ANOS1: variants seen among roughly 807,000 people sequenced by gnomAD.
ANOS1 encodes the protein anosmin-1.
In ANOS1, 6 loss-of-function variants were observed where a neutral mutation model predicts 59.0. That is an observed-to-expected ratio of 0.10 (90% CI 0.06 to 0.20). The LOEUF (loss-of-function observed/expected upper bound fraction) is 0.20. Ranked by LOEUF, ANOS1 falls within the 10% of genes least tolerant of loss-of-function variation. ANOS1 has a pLI of 1.00. For missense variants in ANOS1, 433 were observed against 542.3 expected, an observed-to-expected ratio of 0.80 and a Z score of 2.00; for synonymous variants, 217 against 223.4, an observed-to-expected ratio of 0.97 and a Z score of 0.25.
intron 9 of ANOS1, among the ~76,000 whole-genome samples, chrX:8,552,544 T>A (rs1929873173): frequency 8.9e-6 from 1 of 112,313 alleles, no homozygotes; most frequent in African/African-American, 3.2e-5. Flanking sequence ...AAAATGCTCA[T>A]GGCAAGAAGC....
intron 4 of ANOS1, among the ~76,000 whole-genome samples, chrX:8,593,047 C>T (rs1018190338): frequency 1.4e-4 from 16 of 111,124 alleles, no homozygotes; most frequent in African/African-American, 5.2e-4. Flanking sequence ...ACACAGCAGA[C>T]CAAACAGAAA....
At chrX:8,664,386 G>A (rs1932096707) in intron 2 of ANOS1, among the ~76,000 whole-genome samples, 1 of 110,264 alleles carries the variant, frequency 9.1e-6, no homozygotes, top group Non-Finnish European at 1.9e-5. Context: ...GTAGAGACGG[G>A]GTTTCACCAT....
chrX:8,729,048 G>A (rs965102983), intron 1 of ANOS1, among the ~76,000 whole-genome samples: 1 of 112,313 alleles, frequency 8.9e-6, no homozygotes, highest in Admixed American at 9.4e-5. Flanking sequence ...TCTGCAGGCC[G>A]ACGACAGCAG....
intron 3 of ANOS1, among the ~76,000 whole-genome samples, chrX:8,612,824 T>C (rs1257835436): frequency 1.8e-5 from 2 of 111,062 alleles, no homozygotes; most frequent in Non-Finnish European, 3.8e-5. Context: ...ATAGACAACG[T>C]GAATAGTCTT....
intron 9 of ANOS1, among the ~76,000 whole-genome samples, chrX:8,542,268 G>A (rs1431720454): frequency 9.0e-6 from 1 of 111,670 alleles, no homozygotes; most frequent in Non-Finnish European, 1.9e-5. Context: ...ACTCAACTTT[G>A]CTGTAGCTAC....
At chrX:8,680,162 C>CA (rs754341783) in intron 2 of ANOS1, among the ~76,000 whole-genome samples, 4,965 of 27,156 alleles carry the variant, frequency 0.18, 516 homozygotes, top group African/African-American at 0.36. Context: ...GAGACTCCAT[C>CA]AAAAAAAAAA....
chrX:8,618,176 T>C (rs747074621), intron 3 of ANOS1, among the ~76,000 whole-genome samples: 1 of 112,305 alleles, frequency 8.9e-6, no homozygotes, highest in South Asian at 3.7e-4. Flanking sequence ...ATCAAATCTA[T>C]AAGCCTGAAA....
At chrX:8,650,721 C>A (rs1931837678) in intron 2 of ANOS1, among the ~76,000 whole-genome samples, 1 of 111,214 alleles carries the variant, frequency 9.0e-6, no homozygotes, top group Non-Finnish European at 1.9e-5. Flanking sequence ...GACTCCATTT[C>A]AAAAAAAGAT....
chrX:8,657,618 G>A (rs1391750090), intron 2 of ANOS1, among the ~76,000 whole-genome samples: 1 of 109,764 alleles, frequency 9.1e-6, no homozygotes, highest in Non-Finnish European at 1.9e-5. Context: ...ACAGGCACGT[G>A]CCACCACGCC....
At chrX:8,598,637 G>C (rs960683616) in intron 3 of ANOS1, among the ~76,000 whole-genome samples, 14 of 111,692 alleles carry the variant, frequency 1.3e-4, no homozygotes, top group Non-Finnish European at 3.8e-5. Context: ...TGGCTGAAAA[G>C]ATGATCACCA....
chrX:8,692,005 G>T (rs973518871), intron 2 of ANOS1, among the ~76,000 whole-genome samples: 2 of 111,301 alleles, frequency 1.8e-5, no homozygotes, highest in Non-Finnish European at 3.8e-5. Flanking sequence ...ATATGTCTTT[G>T]TATTGTCAGA....
At position 8,664,497 on chromosome X, in the gene ANOS1, A is replaced by AT. The variant is rs1162522111; in HGVS notation, c.255+35200dup. 8.0e-3 allele frequency among the ~76,000 whole-genome samples: 839 copies of AT among 104,828 alleles called. 9 individuals carry two copies. Among genetic ancestry groups the AT allele is most frequent in the East Asian group, 0.032 (107 of 3,365 alleles). 91.0% of individuals were successfully genotyped at this position (104,828 alleles called of 115,157 possible). A position where few individuals can be genotyped will look rare whatever the true frequency, so the allele number is the denominator to read the frequency against. ...TGTGAGCCACCGCCCCCGGCCAGGGATTTTTTTTTTTAATATGGTACTTTG... is the reference window on the plus strand; with the variant it reads ...TGTGAGCCACCGCCCCCGGCCAGGGATTTTTTTTTTTTAATATGGTACTTTG... On this transcript the variant is annotated intron_variant, in intron 2 of 13. Transcript: ENST00000262648.
At chrX:8,672,467 A>G (rs760264318) in intron 2 of ANOS1, among the ~76,000 whole-genome samples, 12 of 112,518 alleles carry the variant, frequency 1.1e-4, no homozygotes, top group Non-Finnish European at 1.9e-4. Flanking sequence ...CGAACCACAC[A>G]AGAGAGTTTC....
intron 2 of ANOS1, among the ~76,000 whole-genome samples, chrX:8,694,154 C>A (rs909299824): frequency 8.9e-6 from 1 of 111,774 alleles, no homozygotes; most frequent in Non-Finnish European, 1.9e-5. Flanking sequence ...GGGCCTAGGG[C>A]ATAGTAGATG....
chrX:8,592,927 T>G (rs1260045544), intron 4 of ANOS1, among the ~76,000 whole-genome samples: 1 of 111,604 alleles, frequency 9.0e-6, no homozygotes, highest in African/African-American at 3.3e-5. Flanking sequence ...TCTTACAGCA[T>G]AGCCCAAAAT....
At position 8,635,020 on chromosome X, in the gene ANOS1, A is replaced by C. The variant is rs1167025838; in HGVS notation, c.256-11350T>G. 2.7e-5 allele frequency among the ~76,000 whole-genome samples: 3 copies of C among 111,540 alleles called. No homozygotes were observed. In the East Asian group the frequency reaches 8.5e-4, roughly 32 times the overall value. On this transcript the variant is annotated intron_variant, in intron 2 of 13. Coordinates refer to ENST00000262648, the MANE Select transcript of ANOS1 (RefSeq NM_000216.4). ...CTGGTGGTTTAACCACAGCCTCAGAAACCCTAAAGTAGAGGACCCAGCATA... is the reference window on the plus strand; with the variant it reads ...CTGGTGGTTTAACCACAGCCTCAGACACCCTAAAGTAGAGGACCCAGCATA...
intron 2 of ANOS1, among the ~76,000 whole-genome samples, chrX:8,693,583 G>A (rs1234884819): frequency 1.8e-5 from 2 of 110,851 alleles, no homozygotes; most frequent in Admixed American, 1.9e-4. Flanking sequence ...CAGAATGATG[G>A]AAAAGAGTTA....
At position 8,593,363 on chromosome X, in the gene ANOS1, C is replaced by T. The variant is rs182728639; in HGVS notation, c.541+3671G>A. 2.7e-5 allele frequency among the ~76,000 whole-genome samples: 3 copies of T among 111,661 alleles called. No homozygotes were observed. In the East Asian group the frequency reaches 8.5e-4, roughly 32 times the overall value. The stretch of plus-strand genomic sequence containing the variant: ...CTTCTCCATCCAAGTGACAGCAGCC[C>T]CTTGTAAAGGTAAACCGGGGAAATG... On this transcript the variant is annotated intron_variant, in intron 4 of 13. Transcript: ENST00000262648.
At chrX:8,584,161 T>C (rs1930470240) in intron 6 of ANOS1, among the ~76,000 whole-genome samples, 1 of 112,170 alleles carries the variant, frequency 8.9e-6, no homozygotes, top group African/African-American at 3.2e-5. Context: ...CAGATGGTAA[T>C]ATATTTTGAC....
Sources: gnomAD v4.1 joint callset for allele counts (sites outside exome capture counted in the v4.1 genomes callset) on GRCh38, gnomAD v4.1.1 for gene constraint, MANE v1.5 for transcripts, NCBI Gene and HGNC (gene_info 2026-07-23, HGNC 2026-07-21) for gene names.